NDC80: variants seen among roughly 807,000 people sequenced by gnomAD.
NDC80 encodes kinetochore protein NDC80 homolog.
NDC80 carries 69 observed loss-of-function variants against 89.3 expected under a neutral mutation model. The ratio of observed to expected loss-of-function variants is 0.77; its 90% CI spans 0.64 to 0.94. The LOEUF is 0.94. Ranked by LOEUF, NDC80 falls within the 40% of genes least tolerant of loss-of-function variation. The pLI is 0.00. For missense variants in NDC80, 593 were observed against 739.6 expected (o/e 0.80, Z 2.30); for synonymous variants, 243 against 255.6 (o/e 0.95, Z 0.47).
chr18:2,584,421 T>C (rs1049252344), intron 6 of NDC80, among the ~76,000 whole-genome samples: 7 of 151,922 alleles, frequency 4.6e-5, no homozygotes, highest in Non-Finnish European at 1.0e-4. Context: ...TAATTTCATT[T>C]AAATTTTCTA....
intron 12 of NDC80, among the ~76,000 whole-genome samples, chr18:2,599,691 G>A (rs144920784): frequency 2.0e-5 from 3 of 152,216 alleles, no homozygotes; most frequent in Admixed American, 1.3e-4. Context: ...TTAAAATATG[G>A]CCAAGGAAGT....
intron 10 of NDC80, among the ~76,000 whole-genome samples, chr18:2,591,344 A>T (rs187135718): frequency 2.1e-4 from 32 of 152,326 alleles, no homozygotes; most frequent in Admixed American, 1.0e-3. Flanking sequence ...TCTGCAAGTC[A>T]CAGAGCCACT....
rs1485091974 is a variant in NDC80 at position 2,572,967 on chromosome 18, G to A, written c.-9-10G>A. On this transcript the variant is annotated splice_polypyrimidine_tract_variant and intron_variant, in intron 1 of 16. Coordinates refer to ENST00000261597, the MANE Select transcript of NDC80 (RefSeq NM_006101.3). The stretch of plus-strand genomic sequence containing the variant: ...AAAGTTTTTTTTAAATACTGAATTC[G>A]TGAATGTAGGTCATAAGCATGAAGC... 23 of 1,602,422 alleles carry A rather than the reference G, an allele frequency of 1.4e-5. No individual in the cohort carries two copies. Among genetic ancestry groups the A allele is most frequent in the Non-Finnish European group, 1.9e-5 (22 of 1,175,044 alleles).
chr18:2,606,708 G>A (rs1002728622), intron 14 of NDC80, among the ~76,000 whole-genome samples: 1 of 151,858 alleles, frequency 6.6e-6, no homozygotes, highest in Admixed American at 6.6e-5. Flanking sequence ...TCTGGATTAG[G>A]GCTGTTTTAC....
At chr18:2,584,726 A>G (rs1242451469) in intron 6 of NDC80, among the ~76,000 whole-genome samples, 1 of 152,166 alleles carries the variant, frequency 6.6e-6, no homozygotes, top group Non-Finnish European at 1.5e-5. Context: ...TTATTGGCTC[A>G]CCTTTTATGT....
chr18:2,596,283 A>G (rs9949021), intron 11 of NDC80, among the ~76,000 whole-genome samples: 2,354 of 152,160 alleles, frequency 0.015, 61 homozygotes, highest in African/African-American at 0.054. Flanking sequence ...TCATCTGACA[A>G]AGGGCTAATA....
intron 15 of NDC80, 71 bp downstream of exon 15, chr18:2,608,901 T>A: frequency 6.7e-7 from 1 of 1,493,730 alleles, no homozygotes; most frequent in South Asian, 1.2e-5. Context: ...TAAAATTAGA[T>A]CTATTTTTAT....
At chr18:2,613,867 T>C (rs2072757791) in intron 16 of NDC80, among the ~76,000 whole-genome samples, 1 of 152,152 alleles carries the variant, frequency 6.6e-6, no homozygotes, top group Non-Finnish European at 1.5e-5. Context: ...AGATATACAA[T>C]GGCCTTTGAA....
At chr18:2,589,374 T>TTAGC (rs2072616447) in intron 9 of NDC80, 64 bp downstream of exon 9, 2 of 1,081,384 alleles carry the variant, frequency 1.8e-6, no homozygotes, top group Admixed American at 2.2e-5. Context: ...TCCTTGGATA[T>TTAGC]TAGCTGTCTT....
intron 13 of NDC80, among the ~76,000 whole-genome samples, chr18:2,603,351 T>TTATATATATATATATATATATG (rs1179070812): frequency 1.2e-5 from 1 of 80,916 alleles, no homozygotes; most frequent in African/African-American, 5.0e-5. Flanking sequence ...GAGAATATGT[T>TTATATATATATATATATATATG]TATACATATA....
At chr18:2,605,736 C>T (rs1259521067) in intron 13 of NDC80, among the ~76,000 whole-genome samples, 1 of 151,910 alleles carries the variant, frequency 6.6e-6, no homozygotes, top group African/African-American at 2.4e-5. Context: ...AAAAAGTCAG[C>T]TATTTATACA....
intron 6 of NDC80, chr18:2,582,265 C>G (rs2072582358): frequency 6.6e-6 from 1 of 152,082 alleles, no homozygotes; most frequent in Non-Finnish European, 1.5e-5. Flanking sequence ...TCAGTAGAGA[C>G]AGCGTGTCAC....
At chr18:2,577,168 A>G (rs576849490) in intron 3 of NDC80, 5 of 151,602 alleles carry the variant, frequency 3.3e-5, no homozygotes, top group Admixed American at 2.0e-4. Context: ...AAATCTTTCA[A>G]TCAATCCTCA....
At chr18:2,579,798 C>T (rs2072566978) in intron 6 of NDC80, among the ~76,000 whole-genome samples, 1 of 152,166 alleles carries the variant, frequency 6.6e-6, no homozygotes, top group South Asian at 2.1e-4. Context: ...ACTTTTGATA[C>T]ATACCGACAA....
chr18:2,601,930 A>G (rs946998458), intron 13 of NDC80, among the ~76,000 whole-genome samples: 2 of 152,126 alleles, frequency 1.3e-5, no homozygotes, highest in African/African-American at 2.4e-5. Context: ...TTCAAAGTCT[A>G]TTTCCAAAAG....
At chr18:2,610,291 G>C (rs2072736048) in intron 15 of NDC80, among the ~76,000 whole-genome samples, 1 of 152,160 alleles carries the variant, frequency 6.6e-6, no homozygotes, top group African/African-American at 2.4e-5. Flanking sequence ...TTTTGAGATT[G>C]CAAGTACAAG....
chr18:2,577,032 C>T (rs1447665221), intron 3 of NDC80, among the ~76,000 whole-genome samples: 4 of 152,180 alleles, frequency 2.6e-5, no homozygotes, highest in African/African-American at 9.6e-5. Flanking sequence ...GATGAAAAAT[C>T]TTAAGGTATT....
Position 2,606,510 on chromosome 18 carries a change from A to G in NDC80, c.1557+3A>G. The G allele has an allele frequency of 6.3e-7, 1 of 1,591,630 alleles. No homozygotes were observed. The highest frequency in any genetic ancestry group is 1.1e-5 in the South Asian group (1 of 88,100). On this transcript the variant is annotated splice_donor_region_variant and intron_variant, in intron 14 of 16. Transcript: ENST00000261597. Reference sequence around the variant, plus strand: ...ATCTTTACCAACAAAAAATTAAGGTAAGAACTTTGCCACAGTTTGCGTAGG... The same window carrying G: ...ATCTTTACCAACAAAAAATTAAGGTGAGAACTTTGCCACAGTTTGCGTAGG...
At chr18:2,573,126 C>A (rs755450285) in intron 2 of NDC80, 40 bp downstream of exon 2, 2 of 1,458,574 alleles carry the variant, frequency 1.4e-6, no homozygotes, top group South Asian at 2.4e-5. Context: ...CATGCTTTAT[C>A]ATCTTAGGCA....
Sources: gnomAD v4.1 joint callset for allele counts (sites outside exome capture counted in the v4.1 genomes callset) on GRCh38, gnomAD v4.1.1 for gene constraint, MANE v1.5 for transcripts, NCBI Gene and HGNC (gene_info 2026-07-23, HGNC 2026-07-21) for gene names.